PAPSS1: variants seen among roughly 807,000 people sequenced by gnomAD.
The protein encoded by PAPSS1 is bifunctional 3'-phosphoadenosine 5'-phosphosulfate synthase 1.
Under a neutral mutation model 72.0 loss-of-function variants are expected in PAPSS1, and 50 were observed. The ratio of observed to expected loss-of-function variants is 0.69; its 90% CI spans 0.55 to 0.88. The LOEUF (loss-of-function observed/expected upper bound fraction) is 0.88, where lower values mean the gene tolerates loss of function less well. Ranked by LOEUF, PAPSS1 falls within the 40% of genes least tolerant of loss-of-function variation. The pLI is 0.00. For missense variants in PAPSS1, 657 were observed against 782.2 expected, an observed-to-expected ratio of 0.84 and a Z score of 1.91; for synonymous variants, 261 against 263.6, an observed-to-expected ratio of 0.99 and a Z score of 0.09.
chr4:107,720,053 G>A (rs1723740626), intron 1 of PAPSS1, 67 bp downstream of exon 1: 1 of 1,542,010 alleles, frequency 6.5e-7, no homozygotes, highest in African/African-American at 1.4e-5. Flanking sequence ...GAGAGGCGGC[G>A]GCTCCGGAAC....
chr4:107,707,880 T>C (rs1723379675), intron 1 of PAPSS1, among the ~76,000 whole-genome samples: 1 of 152,224 alleles, frequency 6.6e-6, no homozygotes, highest in African/African-American at 2.4e-5. Flanking sequence ...AGGAATTAAA[T>C]TTCTATACAA....
chr4:107,689,296 T>G (rs1413549060), intron 3 of PAPSS1, among the ~76,000 whole-genome samples: 1 of 152,144 alleles, frequency 6.6e-6, no homozygotes, highest in Non-Finnish European at 1.5e-5. Flanking sequence ...TGATGCTCTA[T>G]TGATAATACC....
At chr4:107,716,018 T>C (rs1383013768) in intron 1 of PAPSS1, among the ~76,000 whole-genome samples, 1 of 152,224 alleles carries the variant, frequency 6.6e-6, no homozygotes, top group Admixed American at 6.5e-5. Flanking sequence ...ATGGAGCTTA[T>C]TCCGTTACTT....
chr4:107,696,374 C>A (rs550480036), intron 2 of PAPSS1, among the ~76,000 whole-genome samples: 1 of 152,234 alleles, frequency 6.6e-6, no homozygotes, highest in African/African-American at 2.4e-5. Context: ...ACATATACAC[C>A]ATGGAATACT....
intron 5 of PAPSS1, among the ~76,000 whole-genome samples, chr4:107,671,978 T>TA (rs920708449): frequency 2.6e-5 from 4 of 151,546 alleles, no homozygotes; most frequent in African/African-American, 7.3e-5. Flanking sequence ...AATTTCAAGT[T>TA]AAAAAAAAGA....
chr4:107,688,952 C>G (rs1722852843), intron 3 of PAPSS1, among the ~76,000 whole-genome samples: 1 of 152,180 alleles, frequency 6.6e-6, no homozygotes, highest in African/African-American at 2.4e-5. Context: ...ACCCACAATC[C>G]TAAGAGTGGT....
chr4:107,659,834 CACA>C, intron 6 of PAPSS1, 122 bp downstream of exon 6: 1 of 509,898 alleles, frequency 2.0e-6, no homozygotes, highest in Non-Finnish European at 3.3e-6. Flanking sequence ...TGACATATAC[CACA>C]ACATCTTTGC....
At chr4:107,719,083 G>T (rs763443620) in intron 1 of PAPSS1, among the ~76,000 whole-genome samples, 1 of 151,914 alleles carries the variant, frequency 6.6e-6, no homozygotes. Context: ...ACCATCTATA[G>T]AGTTAAATAA....
At chr4:107,649,843 C>G (rs1389585610) in intron 9 of PAPSS1, among the ~76,000 whole-genome samples, 2 of 152,244 alleles carry the variant, frequency 1.3e-5, no homozygotes, top group African/African-American at 4.8e-5. Flanking sequence ...CACCAATATT[C>G]TATGTTTAAT....
At chr4:107,677,992 C>T (rs560185393) in intron 5 of PAPSS1, among the ~76,000 whole-genome samples, 10 of 152,152 alleles carry the variant, frequency 6.6e-5, no homozygotes, top group Middle Eastern at 3.4e-3. Flanking sequence ...ACAATGAGAA[C>T]ACATGGACAC....
intron 1 of PAPSS1, among the ~76,000 whole-genome samples, chr4:107,702,068 A>C (rs910159072): frequency 6.6e-6 from 1 of 152,166 alleles, no homozygotes; most frequent in African/African-American, 2.4e-5. Flanking sequence ...TCAATAAGCC[A>C]CATTATTTAA....
intron 5 of PAPSS1, among the ~76,000 whole-genome samples, chr4:107,664,198 A>G (rs573282773): frequency 6.6e-6 from 1 of 152,316 alleles, no homozygotes; most frequent in African/African-American, 2.4e-5. Context: ...CTTCAATGGT[A>G]AGAAAAACTC....
At chr4:107,712,553 A>T (rs893672490) in intron 1 of PAPSS1, among the ~76,000 whole-genome samples, 1 of 152,222 alleles carries the variant, frequency 6.6e-6, no homozygotes, top group African/African-American at 2.4e-5. Flanking sequence ...AAAAGTAGGA[A>T]CAACCTAAAT....
intron 10 of PAPSS1, among the ~76,000 whole-genome samples, chr4:107,642,910 C>A (rs1726587780): frequency 6.6e-6 from 1 of 152,134 alleles, no homozygotes; most frequent in Non-Finnish European, 1.5e-5. Context: ...AAATACATAT[C>A]CAAGGACCTA....
At chr4:107,703,125 C>G (rs1723247127) in intron 1 of PAPSS1, among the ~76,000 whole-genome samples, 1 of 152,148 alleles carries the variant, frequency 6.6e-6, no homozygotes. Flanking sequence ...AGAAGTTGAG[C>G]CTTTTTTCAT....
intron 1 of PAPSS1, chr4:107,719,815 G>A (rs1315720636): frequency 1.3e-5 from 16 of 1,244,648 alleles, no homozygotes; most frequent in South Asian, 2.1e-5. Context: ...GCCAGTTCAC[G>A]GGTGAAGGAT....
chr4:107,693,265 AAAC>A (rs531223713), intron 3 of PAPSS1, among the ~76,000 whole-genome samples: 215 of 152,308 alleles, frequency 1.4e-3, no homozygotes, highest in Non-Finnish European at 2.2e-3. Context: ...GGCAGGGAGG[AAAC>A]AAAAATCCTG....
intron 1 of PAPSS1, among the ~76,000 whole-genome samples, chr4:107,707,370 T>C (rs1376303964): frequency 6.6e-6 from 1 of 152,074 alleles, no homozygotes; most frequent in Non-Finnish European, 1.5e-5. Context: ...AGTCTAAAAC[T>C]TGCATCAATT....
At chr4:107,667,731 C>T (rs1727357750) in intron 5 of PAPSS1, among the ~76,000 whole-genome samples, 2 of 152,142 alleles carry the variant, frequency 1.3e-5, no homozygotes, top group Admixed American at 6.5e-5. Context: ...TAACCTTTTA[C>T]CACTCCAATT....
Sources: gnomAD v4.1 joint callset for allele counts (sites outside exome capture counted in the v4.1 genomes callset) on GRCh38, gnomAD v4.1.1 for gene constraint, MANE v1.5 for transcripts, NCBI Gene and HGNC (gene_info 2026-07-23, HGNC 2026-07-21) for gene names.